Variants in JAKMIP1 observed in about 807,000 individuals in gnomAD.
JAKMIP1 encodes the protein janus kinase and microtubule interacting protein 1.
In JAKMIP1, 33 loss-of-function variants were observed where a neutral mutation model predicts 113.0. That is an observed-to-expected ratio of 0.29 (90% CI 0.22 to 0.39). The LOEUF is 0.39. Ranked by LOEUF, JAKMIP1 falls within the 10% of genes least tolerant of loss-of-function variation. JAKMIP1 has a pLI of 1.00. For missense variants in JAKMIP1, 813 were observed against 1,080.5 expected (o/e 0.75, Z 3.47); for synonymous variants, 480 against 459.9 (o/e 1.04, Z -0.56).
chr4:6,126,660 A>T (rs952588397), intron 1 of JAKMIP1, among the ~76,000 whole-genome samples: 17 of 148,708 alleles, frequency 1.1e-4, no homozygotes, highest in Non-Finnish European at 1.2e-4. Context: ...CACACCACAC[A>T]TGCCCCCCCC....
intron 16 of JAKMIP1, among the ~76,000 whole-genome samples, chr4:6,046,189 T>G (rs1429916193): frequency 6.6e-6 from 1 of 152,224 alleles, no homozygotes; most frequent in Non-Finnish European, 1.5e-5. Flanking sequence ...CTAGTGGTCC[T>G]GCCAGGTTCT....
In JAKMIP1 at chr4:6,067,056, G is replaced by GCTTCA. The variant is rs1402133140; in HGVS notation, c.1303-2053_1303-2049dup. ...TGGCCACCATGCCCAGGTCCCTCCTGCTTCACCCCCGCCCCAGCCTCTGGG... is the reference window on the plus strand; with the variant it reads ...TGGCCACCATGCCCAGGTCCCTCCTGCTTCACTTCACCCCCGCCCCAGCCTCTGGG... On this transcript the variant is annotated intron_variant, in intron 8 of 20. Coordinates refer to ENST00000409021, the MANE Select transcript of JAKMIP1 (RefSeq NM_001099433.2). The surrounding 1 kb of genome is among the most constrained non-coding windows in gnomAD (Gnocchi z 4.6). Among the ~76,000 whole-genome samples, 2 of 152,114 alleles carry GCTTCA rather than the reference G, an allele frequency of 1.3e-5. No individual in the cohort carries two copies. Among genetic ancestry groups the GCTTCA allele is most frequent in the East Asian group, 3.9e-4 (2 of 5,178 alleles).
At position 6,069,630 on chromosome 4, in the gene JAKMIP1, G is replaced by A. The variant is rs1718668426; in HGVS notation, c.1303-4622C>T. The stretch of plus-strand genomic sequence containing the variant: ...TAGCCGAGTATGGTGGCTGACGCCT[G>A]TAGTCCCAGCTACTTGGGAGGCTGA... On this transcript the variant is annotated intron_variant, in intron 8 of 20. Coordinates refer to ENST00000409021, the MANE Select transcript of JAKMIP1 (RefSeq NM_001099433.2). The surrounding 1 kb of genome is among the most constrained non-coding windows in gnomAD (Gnocchi z 4.5). Among the ~76,000 whole-genome samples, 1 of 152,076 alleles carries A rather than the reference G, an allele frequency of 6.6e-6. No homozygotes were observed. The highest frequency in any genetic ancestry group is 2.1e-4 in the South Asian group (1 of 4,820).
At chr4:6,058,019 TG>T in intron 11 of JAKMIP1, among the ~76,000 whole-genome samples, 1 of 152,364 alleles carries the variant, frequency 6.6e-6, no homozygotes, top group East Asian at 1.9e-4. Flanking sequence ...TGGGGTGGTT[TG>T]TTACTCAGCA....
intron 3 of JAKMIP1, among the ~76,000 whole-genome samples, chr4:6,095,434 T>C (rs1711575569): frequency 6.6e-6 from 1 of 152,126 alleles, no homozygotes; most frequent in African/African-American, 2.4e-5. Flanking sequence ...AAAGCCCCCA[T>C]GATGTCAGGA....
intron 1 of JAKMIP1, among the ~76,000 whole-genome samples, chr4:6,169,374 A>G (rs1367484759): frequency 8.6e-5 from 13 of 151,958 alleles, no homozygotes; most frequent in Non-Finnish European, 1.6e-4. Context: ...AGTCCACATG[A>G]CGATGGAGGC....
Position 6,136,896 on chromosome 4 carries a change from T to G in JAKMIP1, c.-147-23899A>C, listed in dbSNP as rs370125409. Among the ~76,000 whole-genome samples the G allele has an allele frequency of 9.2e-5, 14 of 152,266 alleles. No individual in the cohort carries two copies. In the East Asian group the frequency reaches 2.7e-3, roughly 29 times the overall value. ...AACAGGCATTTAGACACAGTTGCGTTGAAGTTTGGCAAGCGCATGGGATTC... is the reference window on the plus strand; with the variant it reads ...AACAGGCATTTAGACACAGTTGCGTGGAAGTTTGGCAAGCGCATGGGATTC... On this transcript the variant is annotated intron_variant, in intron 1 of 20. Transcript: ENST00000409021. This position sits in a 1 kb window ranked among gnomAD's most constrained non-coding sequence, Gnocchi z 5.9.
chr4:6,045,840 A>C (rs529254466), intron 16 of JAKMIP1, among the ~76,000 whole-genome samples: 1 of 152,354 alleles, frequency 6.6e-6, no homozygotes, highest in African/African-American at 2.4e-5. Context: ...ACTGCACTCC[A>C]GCCTGGGTGA....
rs58968932 is a variant in JAKMIP1, at chr4:6,129,578, C to T, written c.-147-16581G>A. Among the ~76,000 whole-genome samples the T allele has an allele frequency of 0.013, 2,013 of 152,238 alleles. 50 individuals are homozygous for T. The highest frequency in any genetic ancestry group is 0.046 in the African/African-American group (1,919 of 41,516). On this transcript the variant is annotated intron_variant, in intron 1 of 20. Transcript: ENST00000409021. This position sits in a 1 kb window ranked among gnomAD's most constrained non-coding sequence, Gnocchi z 5.4. ...GACCAGGATACCAAGCAGGACCCAC[C>T]GTGCCCTGCCCTCATGATGCTGATG...
intron 1 of JAKMIP1, among the ~76,000 whole-genome samples, chr4:6,189,852 A>T (rs1727050494): frequency 6.6e-6 from 1 of 152,178 alleles, no homozygotes. Context: ...TATCAAAGGG[A>T]ACAGCATGTG....
At position 6,184,681 on chromosome 4, in the gene JAKMIP1, T is replaced by A. The variant is rs1422647133; in HGVS notation, c.-148+15572A>T. Among the ~76,000 whole-genome samples the A allele has an allele frequency of 3.9e-5, 6 of 152,114 alleles. No homozygotes were observed. Among genetic ancestry groups the A allele is most frequent in the African/African-American group, 1.4e-4 (6 of 41,406 alleles). On this transcript the variant is annotated intron_variant, in intron 1 of 20. Transcript: ENST00000409021. The surrounding 1 kb of genome is among the most constrained non-coding windows in gnomAD (Gnocchi z 4.5). ...TGCCTATCGAAGGGAAGCAACCAAT[T>A]GTCAACTATTTTAGAAACAGCCAAA...
At position 6,137,120 on chromosome 4, in the gene JAKMIP1, C is replaced by T. The variant is rs1719358362; in HGVS notation, c.-147-24123G>A. 6.6e-6 allele frequency among the ~76,000 whole-genome samples: 1 copy of T among 152,208 alleles called. No homozygotes were observed. The highest frequency in any genetic ancestry group is 2.4e-5 in the African/African-American group (1 of 41,452). On this transcript the variant is annotated intron_variant, in intron 1 of 20. Coordinates refer to ENST00000409021, the MANE Select transcript of JAKMIP1 (RefSeq NM_001099433.2). The surrounding 1 kb of genome is among the most constrained non-coding windows in gnomAD (Gnocchi z 4.5). ...AATCACTCTTCCTCCTCAACACCCCCTCCCTATTTTCATGGTAAGGTGCTG... is the reference window on the plus strand; with the variant it reads ...AATCACTCTTCCTCCTCAACACCCCTTCCCTATTTTCATGGTAAGGTGCTG...
At chr4:6,095,114 G>A (rs913348645) in intron 3 of JAKMIP1, among the ~76,000 whole-genome samples, 1 of 147,636 alleles carries the variant, frequency 6.8e-6, no homozygotes, top group Non-Finnish European at 1.5e-5. Context: ...AGAGAGGAAG[G>A]GAAAGAAAAG....
At position 6,153,574 on chromosome 4, in the gene JAKMIP1, G is replaced by C. The variant is rs908326962; in HGVS notation, c.-147-40577C>G. ...GGAGGTGTAATTTGCGCTGTAAGAG[G>C]GTGCACCTCAGACAGCCCTGACAAT... On this transcript the variant is annotated intron_variant, in intron 1 of 20. Coordinates refer to ENST00000409021, the MANE Select transcript of JAKMIP1 (RefSeq NM_001099433.2). This position sits in a 1 kb window ranked among gnomAD's most constrained non-coding sequence, Gnocchi z 4.9. 6.6e-6 allele frequency among the ~76,000 whole-genome samples: 1 copy of C among 152,170 alleles called. No individual in the cohort carries two copies. The highest frequency in any genetic ancestry group is 1.5e-5 in the Non-Finnish European group (1 of 68,032).
Position 6,139,531 on chromosome 4 carries a change from G to A in JAKMIP1, c.-147-26534C>T, listed in dbSNP as rs2108956896. On this transcript the variant is annotated intron_variant, in intron 1 of 20. Coordinates refer to ENST00000409021, the MANE Select transcript of JAKMIP1 (RefSeq NM_001099433.2). This position sits in a 1 kb window ranked among gnomAD's most constrained non-coding sequence, Gnocchi z 5.2. Reference sequence around the variant, plus strand: ...GCCTGTAACCCCAGCACTTTGGGAGGCTGAGGCAGGCGGATCACAAAGTCA... The same window carrying A: ...GCCTGTAACCCCAGCACTTTGGGAGACTGAGGCAGGCGGATCACAAAGTCA... 6.6e-6 allele frequency among the ~76,000 whole-genome samples: 1 copy of A among 152,240 alleles called. No homozygotes were observed. Among genetic ancestry groups the A allele is most frequent in the East Asian group, 1.9e-4 (1 of 5,176 alleles).
intron 1 of JAKMIP1, among the ~76,000 whole-genome samples, chr4:6,120,657 T>C (rs1716583393): frequency 6.6e-6 from 1 of 152,212 alleles, no homozygotes; most frequent in Non-Finnish European, 1.5e-5. Context: ...AATCCAGTGA[T>C]GGTGGCCATG....
intron 1 of JAKMIP1, among the ~76,000 whole-genome samples, chr4:6,148,783 C>T (rs1485415794): frequency 1.3e-5 from 2 of 152,266 alleles, no homozygotes; most frequent in African/African-American, 4.8e-5. Flanking sequence ...CAGCCAGGAC[C>T]TCGTCTGCCA....
chr4:6,196,106 G>T (rs535760928), intron 1 of JAKMIP1, among the ~76,000 whole-genome samples: 7 of 152,150 alleles, frequency 4.6e-5, no homozygotes, highest in Admixed American at 3.3e-4. Flanking sequence ...GGATGCCCCC[G>T]GCCCCACTGG....
intron 1 of JAKMIP1, among the ~76,000 whole-genome samples, chr4:6,159,934 AAAC>A (rs959883960): frequency 6.6e-6 from 1 of 152,016 alleles, no homozygotes; most frequent in African/African-American, 2.4e-5. Flanking sequence ...AGTGGGTCAC[AAAC>A]AACATGATCC....
Sources: allele counts gnomAD v4.1 joint callset (sites outside exome capture counted in the v4.1 genomes callset), GRCh38; gene constraint gnomAD v4.1.1; non-coding constraint Gnocchi (gnomAD v3.1); transcripts MANE v1.5; gene names NCBI Gene and HGNC (gene_info 2026-07-23, HGNC 2026-07-21).